Variants in TRAF3IP1 observed in about 807,000 individuals in gnomAD.
TRAF3IP1 encodes the protein TRAF3-interacting protein 1.
Under a neutral mutation model 89.9 loss-of-function variants are expected in TRAF3IP1, and 53 were observed. The ratio of observed to expected loss-of-function variants is 0.59; its 90% CI spans 0.47 to 0.74. The LOEUF is 0.74. Among genes scored for constraint, TRAF3IP1 ranks in the 30% least tolerant of loss-of-function variants. The pLI is 0.00. For missense variants in TRAF3IP1, 806 were observed against 866.1 expected, an observed-to-expected ratio of 0.93 and a Z score of 0.87; for synonymous variants, 311 against 322.1, an observed-to-expected ratio of 0.97 and a Z score of 0.37.
At chr2:238,347,865 G>A (rs1223201903) in intron 10 of TRAF3IP1, among the ~76,000 whole-genome samples, 7 of 152,126 alleles carry the variant, frequency 4.6e-5, no homozygotes, top group Non-Finnish European at 1.0e-4. Flanking sequence ...GACCTCAGGT[G>A]ATCCACCTGC....
chr2:238,323,412 G>A (rs1469403280), intron 1 of TRAF3IP1, among the ~76,000 whole-genome samples: 1 of 152,154 alleles, frequency 6.6e-6, no homozygotes, highest in African/African-American at 2.4e-5. Flanking sequence ...AGCATCCTGG[G>A]AAAACCTCAA....
At chr2:238,352,450 C>G (rs1207491247) in intron 12 of TRAF3IP1, among the ~76,000 whole-genome samples, 1 of 152,124 alleles carries the variant, frequency 6.6e-6, no homozygotes, top group Non-Finnish European at 1.5e-5. Context: ...TAGAAAGCAG[C>G]AGGTGAAGGG....
rs746326675 is a variant in TRAF3IP1 at position 238,399,066 on chromosome 2, CTG to C, written c.*149_*150del. The C allele has an allele frequency of 8.5e-5, 60 of 704,720 alleles. No individual in the cohort carries two copies. The highest frequency in any genetic ancestry group is 3.6e-5 in the Non-Finnish European group (16 of 449,212). The allele number at this position is 704,720 out of a possible 1,614,324, so 43.7% of individuals were successfully genotyped here. A position where few individuals can be genotyped will look rare whatever the true frequency, so the allele number is the denominator to read the frequency against. On this transcript the variant is annotated 3_prime_UTR_variant, in exon 17 of 17. Transcript: ENST00000373327. ...CCAGCTAATTTTCAGAGCTTTAAAA[CTG>C]TAAGCATGTTAAGTGTATTAAAAAA...
chr2:238,378,666 AT>A (rs1218503395), intron 15 of TRAF3IP1, among the ~76,000 whole-genome samples: 1 of 152,176 alleles, frequency 6.6e-6, no homozygotes, highest in Non-Finnish European at 1.5e-5. Flanking sequence ...GGTTATGTCC[AT>A]TTTATAAAAT....
At chr2:238,347,605 C>G in intron 10 of TRAF3IP1, 130 bp downstream of exon 10, 3 of 843,164 alleles carry the variant, frequency 3.6e-6, no homozygotes, top group Admixed American at 2.3e-5. Context: ...GGAAAAAGAT[C>G]ATAACTACCC....
At position 238,349,397 on chromosome 2, in the gene TRAF3IP1, A is replaced by G. The variant is rs1699045039; in HGVS notation, c.1440A>G (p.Leu480=). 6.2e-7 allele frequency: 1 copy of G among 1,614,170 alleles called. No individual in the cohort carries two copies. The highest frequency in any genetic ancestry group is 8.5e-7 in the Non-Finnish European group (1 of 1,180,042). Residue 480 remains leucine, a synonymous_variant, in exon 12 of 17, where the codon CTA becomes CTG. Coordinates refer to ENST00000373327, the MANE Select transcript of TRAF3IP1 (RefSeq NM_015650.4). Reference sequence around the variant, plus strand: ...AACGGCAAGACAGCATGGAGGCGCTACAAATGGATAGGTAAGGCTGGCTCA... The same window carrying G: ...AACGGCAAGACAGCATGGAGGCGCTGCAAATGGATAGGTAAGGCTGGCTCA... The part of the protein sequence containing the change: ...RVKRQDSMEA[L]QMDRSGSGKT...
At chr2:238,329,467 T>C in intron 5 of TRAF3IP1, 125 bp downstream of exon 5, 2 of 861,522 alleles carry the variant, frequency 2.3e-6, no homozygotes, top group Non-Finnish European at 1.6e-6. Context: ...TTTAAAATGA[T>C]GACAATCTTG....
At chr2:238,387,546 A>G in intron 15 of TRAF3IP1, among the ~76,000 whole-genome samples, 1 of 152,128 alleles carries the variant, frequency 6.6e-6, no homozygotes. Flanking sequence ...GAGAACACAC[A>G]CCCTTTGACC....
At chr2:238,393,187 C>T (rs1229933827) in intron 15 of TRAF3IP1, among the ~76,000 whole-genome samples, 1 of 152,200 alleles carries the variant, frequency 6.6e-6, no homozygotes, top group Non-Finnish European at 1.5e-5. Flanking sequence ...CCAGTTTTCC[C>T]TAACCAGCAT....
chr2:238,381,232 C>T (rs1700537987), intron 15 of TRAF3IP1, among the ~76,000 whole-genome samples: 2 of 151,534 alleles, frequency 1.3e-5, no homozygotes, highest in African/African-American at 4.9e-5. Context: ...TCTCAGAATC[C>T]CAGTGAAATG....
At chr2:238,357,613 T>G (rs997215278) in intron 15 of TRAF3IP1, among the ~76,000 whole-genome samples, 4 of 152,124 alleles carry the variant, frequency 2.6e-5, no homozygotes, top group Non-Finnish European at 4.4e-5. Flanking sequence ...ACAGCACCAC[T>G]GTTTGCCTTG....
At chr2:238,356,919 C>T (rs1026040211) in intron 15 of TRAF3IP1, among the ~76,000 whole-genome samples, 2 of 151,982 alleles carry the variant, frequency 1.3e-5, no homozygotes, top group Admixed American at 6.6e-5. Flanking sequence ...GCTGGGACTA[C>T]AGGTGCTCGA....
At position 238,351,874 on chromosome 2, in the gene TRAF3IP1, CGCGCGTGTGCGTGCAT is replaced by C. The variant is rs1699184037; in HGVS notation, c.1452-951_1452-936del. Among the ~76,000 whole-genome samples the C allele has an allele frequency of 6.8e-6, 1 of 146,018 alleles. No homozygotes were observed. The highest frequency in any genetic ancestry group is 1.5e-5 in the Non-Finnish European group (1 of 67,416). On this transcript the variant is annotated intron_variant, in intron 12 of 16. Coordinates refer to ENST00000373327, the MANE Select transcript of TRAF3IP1 (RefSeq NM_015650.4). The surrounding 1 kb of genome is among the most constrained non-coding windows in gnomAD (Gnocchi z 5.2). ...GTGTGTGTGTGTGTGTGTGCGCGCG[CGCGCGTGTGCGTGCAT>C]GTGCTTGTGTGTATGCGTGTGTGTG...
intron 14 of TRAF3IP1, among the ~76,000 whole-genome samples, chr2:238,354,823 TG>T (rs1395611701): frequency 1.8e-4 from 27 of 152,134 alleles, no homozygotes; most frequent in African/African-American, 6.0e-4. Context: ...GTTATTTTTT[TG>T]TATTTTTAGT....
chr2:238,382,224 G>A (rs530651869), intron 15 of TRAF3IP1, among the ~76,000 whole-genome samples: 1 of 152,274 alleles, frequency 6.6e-6, no homozygotes. Flanking sequence ...TGCCACAGTG[G>A]TTCTCCTGCA....
chr2:238,367,535 G>C (rs1255642710), intron 15 of TRAF3IP1, among the ~76,000 whole-genome samples: 1 of 152,190 alleles, frequency 6.6e-6, no homozygotes, highest in Non-Finnish European at 1.5e-5. Flanking sequence ...GCATGGGCTG[G>C]GGTCCCCTTA....
At chr2:238,373,949 G>A (rs1330296447) in intron 15 of TRAF3IP1, among the ~76,000 whole-genome samples, 1 of 152,072 alleles carries the variant, frequency 6.6e-6, no homozygotes, top group African/African-American at 2.4e-5. Flanking sequence ...ATGGTGTATA[G>A]GAATTCTTCT....
intron 15 of TRAF3IP1, among the ~76,000 whole-genome samples, chr2:238,380,506 T>C (rs1394384634): frequency 6.6e-6 from 1 of 152,104 alleles, no homozygotes; most frequent in Non-Finnish European, 1.5e-5. Flanking sequence ...CCCTAACCGA[T>C]AGGAAACATG....
chr2:238,378,356 T>A (rs1700406386), intron 15 of TRAF3IP1, among the ~76,000 whole-genome samples: 1 of 152,268 alleles, frequency 6.6e-6, no homozygotes, highest in Non-Finnish European at 1.5e-5. Flanking sequence ...ACCAGCCATC[T>A]GGCACCTGCC....
Sources: allele counts gnomAD v4.1 joint callset (sites outside exome capture counted in the v4.1 genomes callset), GRCh38; gene constraint gnomAD v4.1.1; non-coding constraint Gnocchi (gnomAD v3.1); transcripts MANE v1.5; gene names NCBI Gene and HGNC (gene_info 2026-07-23, HGNC 2026-07-21).